PIK3C2G: variants seen among roughly 807,000 people sequenced by gnomAD.
PIK3C2G encodes the protein phosphatidylinositol 3-kinase C2 domain-containing subunit gamma.
PIK3C2G carries 168 observed loss-of-function variants against 181.1 expected under a neutral mutation model. The ratio of observed to expected loss-of-function variants is 0.93; its 90% CI spans 0.82 to 1.05. The LOEUF is 1.05. PIK3C2G is among the 50% of genes least tolerant of loss of function. PIK3C2G has a pLI of 0.00. For missense variants in PIK3C2G, 1,869 were observed against 1,732.8 expected (o/e 1.08, Z -1.40); for synonymous variants, 573 against 592.2 (o/e 0.97, Z 0.47).
intron 6 of PIK3C2G, among the ~76,000 whole-genome samples, chr12:18,316,606 C>G (rs953185727): frequency 2.6e-5 from 4 of 152,156 alleles, no homozygotes; most frequent in African/African-American, 9.7e-5. Flanking sequence ...TCATCCACAA[C>G]TTTTGCTAAT....
intron 31 of PIK3C2G, among the ~76,000 whole-genome samples, chr12:18,623,984 G>C (rs559865118): frequency 6.6e-6 from 1 of 151,792 alleles, no homozygotes; most frequent in South Asian, 2.1e-4. Flanking sequence ...TGCAAACAAA[G>C]ATGATTTAAC....
chr12:18,266,670 T>G (rs1265638273), intron 1 of PIK3C2G, among the ~76,000 whole-genome samples: 1 of 152,150 alleles, frequency 6.6e-6, no homozygotes, highest in Non-Finnish European at 1.5e-5. Flanking sequence ...AAAGACAAAC[T>G]GAATGTTTGG....
the PIK3C2G span, among the ~76,000 whole-genome samples, chr12:18,671,482 C>A: frequency 4.6e-5 from 7 of 152,052 alleles, no homozygotes; most frequent in African/African-American, 1.7e-4. Context: ...GAAGATCACA[C>A]ATGAGATCAG....
chr12:18,245,186 A>G (rs1253874058), upstream of PIK3C2G, among the ~76,000 whole-genome samples: 1 of 152,110 alleles, frequency 6.6e-6, no homozygotes, highest in Non-Finnish European at 1.5e-5. Flanking sequence ...TAAACAAGGC[A>G]TAGTCTATTT....
intron 18 of PIK3C2G, among the ~76,000 whole-genome samples, chr12:18,434,230 A>C (rs986071879): frequency 6.6e-6 from 1 of 152,202 alleles, no homozygotes; most frequent in African/African-American, 2.4e-5. Flanking sequence ...AGACTTTTTT[A>C]TAAGGGCATG....
At chr12:18,447,470 TGGG>T (rs1473479024) in intron 18 of PIK3C2G, among the ~76,000 whole-genome samples, 2 of 152,182 alleles carry the variant, frequency 1.3e-5, no homozygotes, top group African/African-American at 4.8e-5. Context: ...TGATGTCTAG[TGGG>T]TTGCCACCTG....
At chr12:18,578,461 C>T (rs544372799) in intron 29 of PIK3C2G, among the ~76,000 whole-genome samples, 1 of 152,228 alleles carries the variant, frequency 6.6e-6, no homozygotes, top group African/African-American at 2.4e-5. Context: ...CTCTGTGTTG[C>T]ATAATGTAGT....
At chr12:18,384,226 CAGAA>C (rs1213680857) in intron 14 of PIK3C2G, among the ~76,000 whole-genome samples, 2 of 151,834 alleles carry the variant, frequency 1.3e-5, no homozygotes, top group Admixed American at 6.6e-5. Flanking sequence ...TTTTTTTAAA[CAGAA>C]AGGGGTGCAA....
chr12:18,679,777 A>T, the PIK3C2G span, among the ~76,000 whole-genome samples: 3 of 152,030 alleles, frequency 2.0e-5, no homozygotes, highest in African/African-American at 7.2e-5. Flanking sequence ...TAAATTATGT[A>T]CACATGGAAA....
chr12:18,699,653 TA>T, the PIK3C2G span: 4 of 891,938 alleles, frequency 4.5e-6, no homozygotes, highest in South Asian at 5.9e-5. Context: ...CTGAGGTATG[TA>T]ACCCCATTCT....
chr12:18,647,187 G>C (rs1302740146), intron 32 of PIK3C2G, among the ~76,000 whole-genome samples: 1 of 151,880 alleles, frequency 6.6e-6, no homozygotes, highest in Non-Finnish European at 1.5e-5. Flanking sequence ...GCCTGCATAT[G>C]CACAAGAAAA....
chr12:18,449,867 T>A (rs1947252103), intron 18 of PIK3C2G, among the ~76,000 whole-genome samples: 1 of 152,172 alleles, frequency 6.6e-6, no homozygotes, highest in Admixed American at 6.5e-5. Flanking sequence ...CACACTGTCT[T>A]CCATAATGGT....
At chr12:18,644,242 T>C (rs892711381) in intron 32 of PIK3C2G, among the ~76,000 whole-genome samples, 2 of 152,018 alleles carry the variant, frequency 1.3e-5, no homozygotes, top group African/African-American at 4.8e-5. Context: ...GGTCTCAAGA[T>C]GGGTCTGGGG....
chr12:18,581,402 A>G (rs1946492937), intron 29 of PIK3C2G, among the ~76,000 whole-genome samples: 1 of 152,252 alleles, frequency 6.6e-6, no homozygotes, highest in Non-Finnish European at 1.5e-5. Context: ...ACCAAAGGAC[A>G]GTAACTTTAG....
At chr12:18,316,007 T>C (rs1311831559) in intron 6 of PIK3C2G, among the ~76,000 whole-genome samples, 2 of 152,012 alleles carry the variant, frequency 1.3e-5, no homozygotes, top group Non-Finnish European at 2.9e-5. Flanking sequence ...TATATGGTTA[T>C]ATATTATATT....
At chr12:18,389,089 A>C (rs1157265795) in intron 14 of PIK3C2G, among the ~76,000 whole-genome samples, 1 of 152,202 alleles carries the variant, frequency 6.6e-6, no homozygotes, top group African/African-American at 2.4e-5. Flanking sequence ...GCGGTGGCTC[A>C]CGCCTGTAAT....
At chr12:18,610,175 G>A (rs887940635) in intron 31 of PIK3C2G, among the ~76,000 whole-genome samples, 5 of 152,186 alleles carry the variant, frequency 3.3e-5, no homozygotes, top group South Asian at 2.1e-4. Flanking sequence ...TGTGTCACAG[G>A]ATAAGTGACT....
chr12:18,393,290 A>C (rs1228635483), intron 15 of PIK3C2G, among the ~76,000 whole-genome samples: 1 of 152,112 alleles, frequency 6.6e-6, no homozygotes, highest in Non-Finnish European at 1.5e-5. Flanking sequence ...TAAAATTATT[A>C]ATGATCAGTG....
chr12:18,658,645 T>C, the PIK3C2G span, among the ~76,000 whole-genome samples: 1 of 152,162 alleles, frequency 6.6e-6, no homozygotes, highest in Non-Finnish European at 1.5e-5. Context: ...AATAATAGCA[T>C]TAAAGTACCA....
Sources: gnomAD v4.1 joint callset for allele counts (sites outside exome capture counted in the v4.1 genomes callset) on GRCh38, gnomAD v4.1.1 for gene constraint, MANE v1.5 for transcripts, NCBI Gene and HGNC (gene_info 2026-07-23, HGNC 2026-07-21) for gene names.